The following EMILIN2 variants were observed in gnomAD, a reference collection of about 807,000 sequenced individuals.
EMILIN2 encodes the protein elastin microfibril interfacer 2, also known as EMILIN-2.
Under a neutral mutation model 87.1 loss-of-function variants are expected in EMILIN2, and 71 were observed. The observed-to-expected ratio is 0.82, with a 90% CI of 0.67 to 0.99. EMILIN2 has a LOEUF of 0.99. Ranked by LOEUF, EMILIN2 falls within the 50% of genes least tolerant of loss-of-function variation. The pLI is 0.00. For missense variants in EMILIN2, 1,407 were observed against 1,371.8 expected (o/e 1.03, Z -0.40); for synonymous variants, 581 against 563.4 (o/e 1.03, Z -0.44).
chr18:2,906,460 G>C (rs1298263144), intron 4 of EMILIN2: 4 of 228,012 alleles, frequency 1.8e-5, no homozygotes, highest in Non-Finnish European at 2.5e-5. Flanking sequence ...ACGCACCCGC[G>C]GTTTCCGCGT....
Position 2,848,165 on chromosome 18 carries a change from G to C in EMILIN2, c.257+234G>C, listed in dbSNP as rs1176640510. Among the ~76,000 whole-genome samples the C allele has an allele frequency of 6.6e-6, 1 of 152,220 alleles. No individual in the cohort carries two copies. Among genetic ancestry groups the C allele is most frequent in the East Asian group, 1.9e-4 (1 of 5,194 alleles). On this transcript the variant is annotated intron_variant, in intron 2 of 7. Coordinates refer to ENST00000254528, the MANE Select transcript of EMILIN2 (RefSeq NM_032048.3). The surrounding 1 kb of genome is among the most constrained non-coding windows in gnomAD (Gnocchi z 4.1). ...GGATGCGCGCGCCTCGGGAGTGTGG[G>C]GTCGCGGGGGCGTAGGAGAGGATGA...
intron 2 of EMILIN2, among the ~76,000 whole-genome samples, chr18:2,856,693 T>C (rs1293498240): frequency 6.6e-6 from 1 of 152,222 alleles, no homozygotes; most frequent in Non-Finnish European, 1.5e-5. Flanking sequence ...AATGTTCTGA[T>C]TTATCATTGG....
chr18:2,856,682 A>G (rs2076629267), intron 2 of EMILIN2, among the ~76,000 whole-genome samples: 1 of 152,200 alleles, frequency 6.6e-6, no homozygotes, highest in Non-Finnish European at 1.5e-5. Flanking sequence ...TCTCCCACAC[A>G]AATGTTCTGA....
Position 2,906,938 on chromosome 18 carries a change from C to A in EMILIN2, c.2515C>A (p.Pro839Thr). The change falls in exon 5 of 8, where the codon CCA (proline) becomes ACA (threonine). Residue 839 changes from proline (P) to threonine (T), a missense_variant. Pro to Thr is a conservative substitution (Grantham distance 38). Coordinates refer to ENST00000254528, the MANE Select transcript of EMILIN2 (RefSeq NM_032048.3). ...RPPEERPPQP[P>T]GSTGVIAETG... is the part of the protein sequence containing the mutation. Reference sequence around the variant, plus strand: ...CCCCGAGGAGAGGCCGCCCCAGCCGCCAGGCTCCACCGGGGTCATCGCGGA... The same window carrying A: ...CCCCGAGGAGAGGCCGCCCCAGCCGACAGGCTCCACCGGGGTCATCGCGGA... 1 of 1,399,274 alleles carries A rather than the reference C, an allele frequency of 7.1e-7. No homozygotes were observed. Among genetic ancestry groups the A allele is most frequent in the Non-Finnish European group, 9.3e-7 (1 of 1,074,344 alleles). The allele number at this position is 1,399,274 out of a possible 1,614,324, so 86.7% of individuals were successfully genotyped here. A position where few individuals can be genotyped will look rare whatever the true frequency, so the allele number is the denominator to read the frequency against.
Position 2,915,083 on chromosome 18 carries a change from G to A in EMILIN2, c.*1679G>A, listed in dbSNP as rs2076960174. 1 of 152,312 alleles carries A rather than the reference G, an allele frequency of 6.6e-6. No homozygotes were observed. Among genetic ancestry groups the A allele is most frequent in the Non-Finnish European group, 1.5e-5 (1 of 68,098 alleles). The allele number at this position is 152,312 out of a possible 1,614,324, so 9.4% of individuals were successfully genotyped here. On this transcript the variant is annotated 3_prime_UTR_variant, in exon 8 of 8. Transcript: ENST00000254528. ...AAAGACCGCACTCGGCGCCCAAGGG[G>A]ACGTGCTCAAGAGCTGCAGGGGCAG... is the stretch of plus-strand genomic sequence containing the variant.
intron 7 of EMILIN2, among the ~76,000 whole-genome samples, chr18:2,911,811 A>T (rs2144080078): frequency 6.6e-6 from 1 of 152,250 alleles, no homozygotes; most frequent in Non-Finnish European, 1.5e-5. Context: ...GCAGAAAGAA[A>T]ATTCTGGGTG....
rs147895953 is a variant in EMILIN2, at chr18:2,898,156, C to G, written c.2359+5670C>G. Among the ~76,000 whole-genome samples, 5 of 152,304 alleles carry G rather than the reference C, an allele frequency of 3.3e-5. No individual in the cohort carries two copies. In the East Asian group the frequency reaches 5.8e-4, roughly 18 times the overall value. On this transcript the variant is annotated intron_variant, in intron 4 of 7. Coordinates refer to ENST00000254528, the MANE Select transcript of EMILIN2 (RefSeq NM_032048.3). ...TTTCCCAAGTTGCCCAGCCTTACCC[C>G]CACTCGAGTCTGAGTGACCCATGAG...
At chr18:2,881,929 G>T (rs562934052) in intron 2 of EMILIN2, among the ~76,000 whole-genome samples, 3 of 151,904 alleles carry the variant, frequency 2.0e-5, no homozygotes, top group Admixed American at 2.0e-4. Context: ...CTCAGGAATG[G>T]GTTGGCCGAA....
chr18:2,854,320 C>G (rs1337836654), intron 2 of EMILIN2, among the ~76,000 whole-genome samples: 3 of 152,124 alleles, frequency 2.0e-5, no homozygotes, highest in Non-Finnish European at 2.9e-5. Context: ...CACACAGAGC[C>G]TGTGCTGCTG....
At chr18:2,912,994 G>C in intron 7 of EMILIN2, 73 bp from the exon 8 acceptor site, 1 of 1,504,614 alleles carries the variant, frequency 6.6e-7, no homozygotes, top group Admixed American at 1.8e-5. Flanking sequence ...TTAATCACTG[G>C]GGGGCCACTT....
At chr18:2,910,670 C>G (rs533332918) in intron 7 of EMILIN2, among the ~76,000 whole-genome samples, 1 of 152,258 alleles carries the variant, frequency 6.6e-6, no homozygotes, top group African/African-American at 2.4e-5. Context: ...TTCAGGGAGG[C>G]CTTGCCACCC....
At chr18:2,908,701 G>A (rs1035253142) in intron 5 of EMILIN2, among the ~76,000 whole-genome samples, 14 of 152,162 alleles carry the variant, frequency 9.2e-5, no homozygotes, top group Admixed American at 3.3e-4. Flanking sequence ...CAGCCAGCTT[G>A]CCCTCAGTGC....
rs2076589412 is a variant in EMILIN2, at chr18:2,848,790, TG to T, written c.257+860del. On this transcript the variant is annotated intron_variant, in intron 2 of 7. Transcript: ENST00000254528. The surrounding 1 kb of genome is among the most constrained non-coding windows in gnomAD (Gnocchi z 4.1). The stretch of plus-strand genomic sequence containing the variant: ...TAATTGTTTTCCACTAAGAATAAGT[TG>T]TTTGTCTTAGAGCACAGTTGTCATT... Among the ~76,000 whole-genome samples the T allele has an allele frequency of 6.6e-6, 1 of 152,168 alleles. No homozygotes were observed.
Position 2,892,631 on chromosome 18 carries a change from C to T in EMILIN2, c.2359+145C>T, listed in dbSNP as rs943270609. On this transcript the variant is annotated intron_variant, in intron 4 of 7. Transcript: ENST00000254528. ...GTATTATGCTAGATTTTGGACAGTT[C>T]ACGGAATGAACTAAATGCCATCAGT... is the stretch of plus-strand genomic sequence containing the variant. 2.5e-6 allele frequency: 3 copies of T among 1,194,522 alleles called. No homozygotes were observed. The Admixed American group carries it at 8.4e-5, about 34-fold the overall frequency. 74.0% of individuals were successfully genotyped at this position (1,194,522 alleles called of 1,614,324 possible).
At chr18:2,856,664 C>G (rs72868199) in intron 2 of EMILIN2, among the ~76,000 whole-genome samples, 6 of 152,330 alleles carry the variant, frequency 3.9e-5, no homozygotes, top group Admixed American at 1.3e-4. Context: ...TGGTGAGGTT[C>G]CTTCTAGTCT....
chr18:2,905,975 C>T (rs73375212), intron 4 of EMILIN2, among the ~76,000 whole-genome samples: 7,186 of 152,088 alleles, frequency 0.047, 562 homozygotes, highest in African/African-American at 0.16. Context: ...AGGCAGCCGC[C>T]GATTTTTGTC....
Position 2,906,902 on chromosome 18 carries a change from C to T in EMILIN2, c.2479C>T (p.Pro827Ser). Residue 827 changes from proline to serine, a missense_variant, in exon 5 of 8, where the codon CCC becomes TCC. Physicochemically the swap from Pro to Ser is moderately conservative, Grantham distance 74 (BLOSUM62 -1). Transcript: ENST00000254528. ...AEDPGRRPVL[P>S]QRPPEERPPQ... is the part of the protein sequence containing the mutation. ...GGACCCTGGGCGACGGCCCGTCCTG[C>T]CCCAGCGGCCCCCCGAGGAGAGGCC... 7.2e-7 allele frequency: 1 copy of T among 1,393,814 alleles called. No homozygotes were observed. The highest frequency in any genetic ancestry group is 1.5e-5 in the African/African-American group (1 of 66,930). The allele number at this position is 1,393,814 out of a possible 1,614,324, so 86.3% of individuals were successfully genotyped here.
intron 2 of EMILIN2, among the ~76,000 whole-genome samples, chr18:2,871,429 C>G (rs796999913): frequency 6.6e-6 from 1 of 152,198 alleles, no homozygotes; most frequent in African/African-American, 2.4e-5. Flanking sequence ...GTGTGCAAAA[C>G]GTACTTGGGT....
chr18:2,847,721 C>G lies in EMILIN2; in HGVS notation c.135-88C>G. 1 of 1,511,904 alleles carries G rather than the reference C, an allele frequency of 6.6e-7. No individual in the cohort carries two copies. The highest frequency in any genetic ancestry group is 1.3e-5 in the South Asian group (1 of 78,406). 93.7% of individuals were successfully genotyped at this position (1,511,904 alleles called of 1,614,324 possible). A position where few individuals can be genotyped will look rare whatever the true frequency, so the allele number is the denominator to read the frequency against. Reference sequence around the variant, plus strand: ...GCGACGGGCCCCCCCGACCCTCGCTCGGTCTGGTGCCGCAGTCCCCTCTCC... The same window carrying G: ...GCGACGGGCCCCCCCGACCCTCGCTGGGTCTGGTGCCGCAGTCCCCTCTCC... On this transcript the variant is annotated intron_variant, in intron 1 of 7. Transcript: ENST00000254528. The surrounding 1 kb of genome is among the most constrained non-coding windows in gnomAD (Gnocchi z 4.5).
Sources: allele counts gnomAD v4.1 joint callset (sites outside exome capture counted in the v4.1 genomes callset), GRCh38; gene constraint gnomAD v4.1.1; non-coding constraint Gnocchi (gnomAD v3.1); transcripts MANE v1.5; gene names NCBI Gene and HGNC (gene_info 2026-07-23, HGNC 2026-07-21).